DISP3: variants seen among roughly 807,000 people sequenced by gnomAD.
DISP3 encodes the protein protein dispatched homolog 3.
Under a neutral mutation model 135.3 loss-of-function variants are expected in DISP3, and 101 were observed. The ratio of observed to expected loss-of-function variants is 0.75; its 90% CI spans 0.64 to 0.88. The LOEUF is 0.88. DISP3 is among the 40% of genes least tolerant of loss of function. The probability of loss-of-function intolerance (pLI) is 0.00; values close to 1 mark genes in which losing one functional copy is unlikely to be tolerated. For missense variants in DISP3, 1,713 were observed against 1,878.6 expected (o/e 0.91, Z 1.63); for synonymous variants, 856 against 817.0 (o/e 1.05, Z -0.81).
At position 11,537,233 on chromosome 1, in the gene DISP3, C is replaced by T. The variant is rs1642733703; in HGVS notation, c.*547C>T. On this transcript the variant is annotated 3_prime_UTR_variant, in exon 21 of 21. Coordinates refer to ENST00000294484, the MANE Select transcript of DISP3 (RefSeq NM_020780.2). The stretch of plus-strand genomic sequence containing the variant: ...CCCCTAACCCCGCCCCCCCGCAACC[C>T]TCCCCTTCAGCTTTACGGCGGCCAG... 1 of 154,256 alleles carries T rather than the reference C, an allele frequency of 6.5e-6. No individual in the cohort carries two copies. Among genetic ancestry groups the T allele is most frequent in the Non-Finnish European group, 1.4e-5 (1 of 69,588 alleles). The allele number at this position is 154,256 out of a possible 1,614,324, so 9.6% of individuals were successfully genotyped here. A position where few individuals can be genotyped will look rare whatever the true frequency, so the allele number is the denominator to read the frequency against.
In DISP3 at chr1:11,499,380, C is replaced by T. The variant is rs1641435612; in HGVS notation, c.-3-1610C>T. On this transcript the variant is annotated intron_variant, in intron 1 of 20. Coordinates refer to ENST00000294484, the MANE Select transcript of DISP3 (RefSeq NM_020780.2). The surrounding 1 kb of genome is among the most constrained non-coding windows in gnomAD (Gnocchi z 5.2). ...GCCAAGAATCGGGCAGAGGCTCCCA[C>T]ACTCACCTCCACATGCAGACTTGGT... Among the ~76,000 whole-genome samples, 6 of 152,158 alleles carry T rather than the reference C, an allele frequency of 3.9e-5. No homozygotes were observed. The South Asian group carries it at 1.2e-3, about 32-fold the overall frequency.
chr1:11,531,185 C>A lies in DISP3; in HGVS notation c.3229+152C>A. ...TGTATCTGTGCTGAGCATGTCCACA[C>A]CAGGGTGGGGTGTGTGCCGGCAGTC... On this transcript the variant is annotated intron_variant, in intron 16 of 20. Transcript: ENST00000294484. The surrounding 1 kb of genome is among the most constrained non-coding windows in gnomAD (Gnocchi z 5.2). 1.5e-6 allele frequency: 2 copies of A among 1,309,550 alleles called. No individual in the cohort carries two copies. The highest frequency in any genetic ancestry group is 1.0e-6 in the Non-Finnish European group (1 of 962,770). The allele number at this position is 1,309,550 out of a possible 1,614,324, so 81.1% of individuals were successfully genotyped here.
At position 11,531,112 on chromosome 1, in the gene DISP3, A is replaced by G; in HGVS notation, c.3229+79A>G. 1 of 1,583,824 alleles carries G rather than the reference A, an allele frequency of 6.3e-7. No individual in the cohort carries two copies. Among genetic ancestry groups the G allele is most frequent in the South Asian group, 1.1e-5 (1 of 88,512 alleles). On this transcript the variant is annotated intron_variant, in intron 16 of 20. Coordinates refer to ENST00000294484, the MANE Select transcript of DISP3 (RefSeq NM_020780.2). The surrounding 1 kb of genome is among the most constrained non-coding windows in gnomAD (Gnocchi z 5.2). ...AGGCACAGAGGCCGTGGTCCAAGGT[A>G]GACAGCCCGAAGGACAGTGTCTGGC... is the stretch of plus-strand genomic sequence containing the variant.
Position 11,530,850 on chromosome 1 carries a change from G to A in DISP3, c.3103-57G>A, listed in dbSNP as rs566431966. 58 of 1,605,184 alleles carry A rather than the reference G, an allele frequency of 3.6e-5. No individual in the cohort carries two copies. In the African/African-American group the frequency reaches 7.5e-4, roughly 21 times the overall value. On this transcript the variant is annotated intron_variant, in intron 15 of 20. Transcript: ENST00000294484. ...CCCCAGGGTTGGGGGTGAGCACCCA[G>A]GACTGAGTCCCCGTCTCACTGAGCG...
Position 11,536,675 on chromosome 1 carries a change from G to T in DISP3, c.4168G>T (p.Ala1390Ser). ...SGYKIPLPAG[A>S]SL is the part of the protein sequence containing the mutation. ...CTATAAGATTCCCCTGCCCGCAGGGGCCTCCCTATAGCCCGGGACGGGCTC... is the reference window on the plus strand; with the variant it reads ...CTATAAGATTCCCCTGCCCGCAGGGTCCTCCCTATAGCCCGGGACGGGCTC... The change falls in exon 21 of 21, where the codon GCC (alanine) becomes TCC (serine). Residue 1390 changes from alanine to serine, a missense_variant. By Grantham distance (99) the Ala-to-Ser change is moderately conservative. This residue lies in a region of DISP3 where 1,142 missense variants were observed against 1,384.6 expected (regional missense o/e 0.82). Coordinates refer to ENST00000294484, the MANE Select transcript of DISP3 (RefSeq NM_020780.2). The surrounding 1 kb of genome is among the most constrained non-coding windows in gnomAD (Gnocchi z 4.3). 2 of 1,572,186 alleles carry T rather than the reference G, an allele frequency of 1.3e-6. No individual in the cohort carries two copies. The highest frequency in any genetic ancestry group is 1.7e-6 in the Non-Finnish European group (2 of 1,160,098).
intron 13 of DISP3, among the ~76,000 whole-genome samples, chr1:11,528,581 T>TA (rs1642491629): frequency 6.6e-6 from 1 of 152,212 alleles, no homozygotes; most frequent in Non-Finnish European, 1.5e-5. Flanking sequence ...CAAACTATGA[T>TA]ACGTGCTCTG....
At chr1:11,484,772 A>G (rs1030286731) in intron 1 of DISP3, among the ~76,000 whole-genome samples, 2 of 152,146 alleles carry the variant, frequency 1.3e-5, no homozygotes, top group South Asian at 2.1e-4. Context: ...TGGTAAGGAC[A>G]GTGGGAAGGA....
Position 11,531,704 on chromosome 1 carries a change from C to T in DISP3, c.3369C>T (p.Phe1123=), listed in dbSNP as rs749948474. 24 of 1,599,692 alleles carry T rather than the reference C, an allele frequency of 1.5e-5. No homozygotes were observed. The highest frequency in any genetic ancestry group is 1.9e-4 in the Middle Eastern group (1 of 5,136). ...EGRVQWISMA[F]ESTTYKGKSS... ...GCGTGCAGTGGATCTCCATGGCTTT[C>T]GAGTCGGTGAGCCCAGGCAGCCTCA... Residue 1123 remains phenylalanine (F), a synonymous_variant, in exon 17 of 21, where the codon TTC becomes TTT. Transcript: ENST00000294484. The surrounding 1 kb of genome is among the most constrained non-coding windows in gnomAD (Gnocchi z 5.2).
chr1:11,526,521 C>G, intron 12 of DISP3, 130 bp from the exon 13 acceptor site: 1 of 1,073,864 alleles, frequency 9.3e-7, no homozygotes, highest in South Asian at 1.5e-5. Flanking sequence ...GCCCAGGGCT[C>G]TGTCCCCAAC....
chr1:11,519,995 G>GTC lies in DISP3; in HGVS notation c.2200+120_2200+121dup. On this transcript the variant is annotated intron_variant, in intron 9 of 20. Transcript: ENST00000294484. The surrounding 1 kb of genome is among the most constrained non-coding windows in gnomAD (Gnocchi z 4.3). ...CCCAGGGTCAGAGGCCTGGGCTGGG[G>GTC]TCTCTCCCTCTCTGACCCCCCCTCT... is the stretch of plus-strand genomic sequence containing the variant. The GTC allele has an allele frequency of 9.4e-7, 1 of 1,066,270 alleles. No homozygotes were observed. Among genetic ancestry groups the GTC allele is most frequent in the Non-Finnish European group, 1.3e-6 (1 of 750,500 alleles). The allele number at this position is 1,066,270 out of a possible 1,614,324, so 66.1% of individuals were successfully genotyped here. A position where few individuals can be genotyped will look rare whatever the true frequency, so the allele number is the denominator to read the frequency against.
At chr1:11,515,636 G>GT in intron 5 of DISP3, 133 bp downstream of exon 5, 4 of 1,347,102 alleles carry the variant, frequency 3.0e-6, no homozygotes, top group Non-Finnish European at 4.0e-6. Flanking sequence ...GAGCCTTGGA[G>GT]TGCAGGGTTA....
At position 11,491,849 on chromosome 1, in the gene DISP3, G is replaced by A. The variant is rs920777886; in HGVS notation, c.-3-9141G>A. 1.3e-5 allele frequency among the ~76,000 whole-genome samples: 2 copies of A among 152,080 alleles called. No individual in the cohort carries two copies. The highest frequency in any genetic ancestry group is 1.9e-4 in the East Asian group (1 of 5,166). ...CTAAGAAGTTAATAATTGGCCGGGCGCGGTGGCTCACGCCTGTAATCCCAG... is the reference window on the plus strand; with the variant it reads ...CTAAGAAGTTAATAATTGGCCGGGCACGGTGGCTCACGCCTGTAATCCCAG... On this transcript the variant is annotated intron_variant, in intron 1 of 20. Transcript: ENST00000294484. The surrounding 1 kb of genome is among the most constrained non-coding windows in gnomAD (Gnocchi z 4.3).
At position 11,516,203 on chromosome 1, in the gene DISP3, C is replaced by T. The variant is rs765799422; in HGVS notation, c.1749+42C>T. 31 of 1,596,298 alleles carry T rather than the reference C, an allele frequency of 1.9e-5. No individual in the cohort carries two copies. Among genetic ancestry groups the T allele is most frequent in the African/African-American group, 1.1e-4 (8 of 74,754 alleles). On this transcript the variant is annotated intron_variant, in intron 6 of 20. Coordinates refer to ENST00000294484, the MANE Select transcript of DISP3 (RefSeq NM_020780.2). This position sits in a 1 kb window ranked among gnomAD's most constrained non-coding sequence, Gnocchi z 5.1. ...CATTCCTGTCCTGGCCTCCCACACG[C>T]TCATGCATACCTAGCCGCTGGTCTC...
chr1:11,501,350 G>A lies in DISP3; in HGVS notation c.358G>A (p.Asp120Asn). 1 of 1,613,244 alleles carries A rather than the reference G, an allele frequency of 6.2e-7. No homozygotes were observed. Residue 120 changes from aspartate (D) to asparagine (N), a missense_variant, in exon 2 of 21, where the codon GAC (aspartate) becomes AAC (asparagine). By Grantham distance (23) the Asp-to-Asn change is conservative (BLOSUM62 1). Transcript: ENST00000294484. This position sits in a 1 kb window ranked among gnomAD's most constrained non-coding sequence, Gnocchi z 4.9. ...CAACCACGAGGCCTCACAGCGTTTC[G>A]ACGCTCTCACTCTGGCGCTTAAGTC... is the stretch of plus-strand genomic sequence containing the variant. ...IRNHEASQRF[D>N]ALTLALKSQF...
chr1:11,490,197 G>C (rs1485783721), intron 1 of DISP3, among the ~76,000 whole-genome samples: 1 of 152,212 alleles, frequency 6.6e-6, no homozygotes, highest in Non-Finnish European at 1.5e-5. Context: ...TGACCCGTCA[G>C]GCCAGGGGCA....
chr1:11,487,411 C>T (rs964913589), intron 1 of DISP3, among the ~76,000 whole-genome samples: 1 of 152,238 alleles, frequency 6.6e-6, no homozygotes, highest in African/African-American at 2.4e-5. Flanking sequence ...GCCACCGCTA[C>T]CCCTGCTCAG....
At chr1:11,479,731 C>T (rs72863271) in intron 1 of DISP3, among the ~76,000 whole-genome samples, 18,016 of 152,260 alleles carry the variant, frequency 0.12, 2,475 homozygotes, top group African/African-American at 0.33. Flanking sequence ...TATCTGGGTC[C>T]ATAAAAGTTG....
chr1:11,501,204 C>T lies in DISP3; in HGVS notation c.212C>T (p.Pro71Leu), dbSNP rs1395704190. ...ACCCTGGGCTGGGCCTTCACCAATC[C>T]GTGCTGTGCTGGGCTGGTGCTCTTC... ...WSTLGWAFTN[P>L]CCAGLVLFLG... The change falls in exon 2 of 21, where the codon CCG becomes CTG. Residue 71 changes from proline to leucine, a missense_variant. Pro to Leu is a moderately conservative substitution (Grantham distance 98, BLOSUM62 -3). Coordinates refer to ENST00000294484, the MANE Select transcript of DISP3 (RefSeq NM_020780.2). The surrounding 1 kb of genome is among the most constrained non-coding windows in gnomAD (Gnocchi z 4.9). 2 of 1,614,042 alleles carry T rather than the reference C, an allele frequency of 1.2e-6. No individual in the cohort carries two copies. Among genetic ancestry groups the T allele is most frequent in the Non-Finnish European group, 1.7e-6 (2 of 1,179,918 alleles).
intron 10 of DISP3, among the ~76,000 whole-genome samples, chr1:11,522,892 GACCCAGCCAGA>G (rs1642279123): frequency 4.4e-5 from 2 of 45,398 alleles, no homozygotes; most frequent in African/African-American, 8.2e-5. Flanking sequence ...GCCCAGCCAG[GACCCAGCCAGA>G]GCCCAGCCAG....
Sources: allele counts gnomAD v4.1 joint callset (sites outside exome capture counted in the v4.1 genomes callset), GRCh38; gene constraint gnomAD v4.1.1; regional missense constraint gnomAD v4.1.1; non-coding constraint Gnocchi (gnomAD v3.1); transcripts MANE v1.5; gene names NCBI Gene and HGNC (gene_info 2026-07-23, HGNC 2026-07-21).